Variants in UTRN observed in about 807,000 individuals in gnomAD.
UTRN encodes the protein utrophin.
Under a neutral mutation model 463.9 loss-of-function variants are expected in UTRN, and 283 were observed. The observed-to-expected ratio is 0.61, with a 90% CI of 0.55 to 0.67. The LOEUF (loss-of-function observed/expected upper bound fraction) is 0.67. UTRN is among the 30% of genes least tolerant of loss of function. UTRN has a pLI of 0.00. For synonymous variants in UTRN, 1,442 were observed against 1,431.5 expected, an observed-to-expected ratio of 1.01 and a Z score of -0.17; for missense variants, 3,922 against 4,084.3, an observed-to-expected ratio of 0.96 and a Z score of 1.08.
chr6:144,640,070 C>CAGATTGAGAGACAGAG (rs1554317935), intron 51 of UTRN, among the ~76,000 whole-genome samples: 1 of 151,002 alleles, frequency 6.6e-6, no homozygotes, highest in African/African-American at 2.4e-5. Context: ...GATTGAGAGA[C>CAGATTGAGAGACAGAG]AGAGAGAGAG....
At chr6:144,788,214 T>G (rs1378205538) in intron 61 of UTRN, among the ~76,000 whole-genome samples, 2 of 152,190 alleles carry the variant, frequency 1.3e-5, no homozygotes, top group South Asian at 4.1e-4. Flanking sequence ...TATAATTTGA[T>G]ATTTCCCCAA....
intron 48 of UTRN, among the ~76,000 whole-genome samples, chr6:144,552,295 A>G (rs1399780299): frequency 6.6e-6 from 1 of 152,138 alleles, no homozygotes; most frequent in Non-Finnish European, 1.5e-5. Context: ...GTGTTGGCTT[A>G]TTTTTACTAA....
intron 59 of UTRN, 53 bp downstream of exon 59, chr6:144,772,021 T>G (rs1338995952): frequency 1.3e-5 from 7 of 536,594 alleles, no homozygotes; most frequent in African/African-American, 1.3e-4. Context: ...AACCGGTTTT[T>G]TTTTTTTTTT....
chr6:144,523,653 A>G (rs778415761), intron 41 of UTRN, among the ~76,000 whole-genome samples: 4 of 152,196 alleles, frequency 2.6e-5, no homozygotes, highest in Non-Finnish European at 5.9e-5. Context: ...AGTTCCTTAA[A>G]GGAGGAATGT....
intron 58 of UTRN, among the ~76,000 whole-genome samples, chr6:144,760,604 A>G (rs1792546605): frequency 6.6e-6 from 1 of 152,230 alleles, no homozygotes; most frequent in Admixed American, 6.5e-5. Context: ...TAGAGTTATA[A>G]AAGCCAGTAT....
chr6:144,655,356 T>G (rs1310927898), intron 51 of UTRN, among the ~76,000 whole-genome samples: 1 of 152,254 alleles, frequency 6.6e-6, no homozygotes, highest in African/African-American at 2.4e-5. Context: ...AATTGAAAAC[T>G]CAGATCACGA....
intron 14 of UTRN, 130 bp downstream of exon 14, chr6:144,444,512 G>T: frequency 1.9e-6 from 1 of 518,096 alleles, no homozygotes; most frequent in Non-Finnish European, 3.1e-6. Flanking sequence ...TTATTTTAAA[G>T]ATCAAATTTC....
Position 144,445,275 on chromosome 6 carries a change from C to T in UTRN, c.1614+893C>T, listed in dbSNP as rs530919655. Among the ~76,000 whole-genome samples the T allele has an allele frequency of 2.0e-3, 288 of 143,700 alleles. 1 individual carries two copies. The highest frequency in any genetic ancestry group is 0.011 in the Middle Eastern group (3 of 270). 94.3% of individuals were successfully genotyped at this position (143,700 alleles called of 152,430 possible). On this transcript the variant is annotated intron_variant, in intron 14 of 74. Transcript: ENST00000367545. ...CTGAGGCAGGAGAATTGCTGGAACC[C>T]AGGAGGCAGAGGTTGCAGTGAGCCG...
At chr6:144,753,135 T>C (rs1791587467) in intron 56 of UTRN, among the ~76,000 whole-genome samples, 1 of 152,202 alleles carries the variant, frequency 6.6e-6, no homozygotes, top group South Asian at 2.1e-4. Flanking sequence ...CACAGTTTCA[T>C]TTAAGGACAG....
rs1182788464 is a variant in UTRN at position 144,853,007 on chromosome 6, A to T, written c.*2010A>T. On this transcript the variant is annotated 3_prime_UTR_variant, in exon 75 of 75. Transcript: ENST00000367545. ...AATCTGGTTACATATTGTATTTTTC[A>T]TCCTGAATAAAAGTAATTTTAACAC... 6.6e-6 allele frequency: 1 copy of T among 152,256 alleles called. No homozygotes were observed. Among genetic ancestry groups the T allele is most frequent in the Non-Finnish European group, 1.5e-5 (1 of 68,026 alleles). The allele number at this position is 152,256 out of a possible 1,614,324, so 9.4% of individuals were successfully genotyped here. A position where few individuals can be genotyped will look rare whatever the true frequency, so the allele number is the denominator to read the frequency against.
chr6:144,426,302 A>T lies in UTRN; in HGVS notation c.421A>T (p.Lys141Ter). ...ILHWQVKDVM[K>*]DVMSDLQQTN... is the part of the protein sequence containing the mutation. ...TCTTACATAGGTGAAAGATGTCATGAAGGATGTCATGTCGGACCTGCAGCA... is the reference window on the plus strand; with the variant it reads ...TCTTACATAGGTGAAAGATGTCATGTAGGATGTCATGTCGGACCTGCAGCA... The change falls in exon 7 of 75, where the codon AAG becomes TAG. Residue 141 changes from lysine (K) to a stop codon, truncating the protein, a stop_gained. Transcript: ENST00000367545. LOFTEE classifies it high-confidence loss of function. 6.2e-7 allele frequency: 1 copy of T among 1,613,662 alleles called. No homozygotes were observed. The highest frequency in any genetic ancestry group is 8.5e-7 in the Non-Finnish European group (1 of 1,179,776).
intron 2 of UTRN, among the ~76,000 whole-genome samples, chr6:144,316,608 T>A (rs557597570): frequency 1.4e-4 from 21 of 152,358 alleles, no homozygotes; most frequent in African/African-American, 4.8e-4. Flanking sequence ...GTTAGCAAAG[T>A]GTGAATGAAT....
intron 9 of UTRN, among the ~76,000 whole-genome samples, chr6:144,431,394 G>T (rs143133337): frequency 6.6e-6 from 1 of 152,162 alleles, no homozygotes; most frequent in Admixed American, 6.5e-5. Flanking sequence ...TTTCATTAGT[G>T]TCTTAGAGGC....
At chr6:144,682,374 A>G (rs778733765) in intron 52 of UTRN, among the ~76,000 whole-genome samples, 2 of 152,174 alleles carry the variant, frequency 1.3e-5, no homozygotes. Context: ...TTCTTTATCC[A>G]TTTATCTGTT....
At chr6:144,807,818 A>G (rs917182328) in intron 65 of UTRN, among the ~76,000 whole-genome samples, 2 of 152,064 alleles carry the variant, frequency 1.3e-5, no homozygotes, top group African/African-American at 2.4e-5. Flanking sequence ...CTCCTTGAGG[A>G]CTGGGATGAC....
Position 144,644,199 on chromosome 6 carries a change from TC to T in UTRN, c.7480-34205del, listed in dbSNP as rs1483338927. ...ATGCTTGTTAAGTAAAAATTCCTAA[TC>T]CTTATCCTCTTATGCCATTTTAAAT... On this transcript the variant is annotated intron_variant, in intron 51 of 74. Coordinates refer to ENST00000367545, the MANE Select transcript of UTRN (RefSeq NM_007124.3). Among the ~76,000 whole-genome samples, 10 of 152,180 alleles carry T rather than the reference TC, an allele frequency of 6.6e-5. 1 individual carries two copies. The highest frequency in any genetic ancestry group is 2.4e-5 in the African/African-American group (1 of 41,456).
rs541101515 is a variant in UTRN, at chr6:144,369,267, T to G, written c.80-33856T>G. On this transcript the variant is annotated intron_variant, in intron 2 of 74. Transcript: ENST00000367545. ...GTGCTACCCTTAGTTGTTTTCTTTC[T>G]TTTTAAATACAATATTGTGTAGTTG... is the stretch of plus-strand genomic sequence containing the variant. Among the ~76,000 whole-genome samples the G allele has an allele frequency of 1.6e-3, 248 of 152,372 alleles. 1 individual carries two copies. The highest frequency in any genetic ancestry group is 5.7e-3 in the African/African-American group (235 of 41,586).
At chr6:144,764,429 G>T (rs961615415) in intron 58 of UTRN, among the ~76,000 whole-genome samples, 1 of 152,112 alleles carries the variant, frequency 6.6e-6, no homozygotes, top group African/African-American at 2.4e-5. Flanking sequence ...TCTACATATT[G>T]TTGGGCCATG....
At chr6:144,843,044 GTTAC>G (rs1428927650) in intron 73 of UTRN, among the ~76,000 whole-genome samples, 1 of 152,106 alleles carries the variant, frequency 6.6e-6, no homozygotes, top group Non-Finnish European at 1.5e-5. Context: ...CAATTGTTAT[GTTAC>G]TTAGTGAGTA....
Sources: allele counts gnomAD v4.1 joint callset (sites outside exome capture counted in the v4.1 genomes callset), GRCh38; gene constraint gnomAD v4.1.1; transcripts MANE v1.5; gene names NCBI Gene and HGNC (gene_info 2026-07-23, HGNC 2026-07-21).